Variants in EYS observed in about 807,000 individuals in gnomAD.
The protein encoded by EYS is EGF-like photoreceptor maintenance factor.
Under a neutral mutation model 282.1 loss-of-function variants are expected in EYS, and 250 were observed. The observed-to-expected ratio is 0.89, with a 90% CI of 0.80 to 0.98. The LOEUF (loss-of-function observed/expected upper bound fraction) is 0.98, where lower values mean the gene tolerates loss of function less well. Ranked by LOEUF, EYS falls within the 50% of genes least tolerant of loss-of-function variation. EYS has a pLI of 0.00. For missense variants in EYS, 4,016 were observed against 3,709.0 expected (o/e 1.08, Z -2.15); for synonymous variants, 1,355 against 1,282.9 (o/e 1.06, Z -1.20).
chr6:64,799,925 G>C (rs1454364306), intron 22 of EYS, among the ~76,000 whole-genome samples: 1 of 151,696 alleles, frequency 6.6e-6, no homozygotes, highest in Non-Finnish European at 1.5e-5. Flanking sequence ...GTCTTTCTTT[G>C]TCTCTCTATA....
Position 64,766,645 on chromosome 6 carries a change from AAAAAATATATATATATATAT to A in EYS, c.3443+46713_3443+46732del, listed in dbSNP as rs1309681747. Among the ~76,000 whole-genome samples, 32 of 37,090 alleles carry A rather than the reference AAAAAATATATATATATATAT, an allele frequency of 8.6e-4. 2 individuals are homozygous for A. Among genetic ancestry groups the A allele is most frequent in the African/African-American group, 3.2e-3 (32 of 10,138 alleles). 24.3% of individuals were successfully genotyped at this position (37,090 alleles called of 152,430 possible). A position where few individuals can be genotyped will look rare whatever the true frequency, so the allele number is the denominator to read the frequency against. ...AAACTCCGTCTCAAAAAAAAAAAAAAAAAAATATATATATATATATATATATATATATATATATAAAATCT... is the reference window on the plus strand; with the variant it reads ...AAACTCCGTCTCAAAAAAAAAAAAAAATATATATATATATATATAAAATCT... On this transcript the variant is annotated intron_variant, in intron 22 of 42. Coordinates refer to ENST00000503581, the MANE Select transcript of EYS (RefSeq NM_001142800.2).
At chr6:65,395,261 C>A (rs1278411312) in intron 7 of EYS, among the ~76,000 whole-genome samples, 1 of 152,128 alleles carries the variant, frequency 6.6e-6, no homozygotes, top group African/African-American at 2.4e-5. Context: ...TGGGGTTTCT[C>A]CATGTTGGTC....
chr6:64,223,367 T>C (rs1766160090), intron 31 of EYS, among the ~76,000 whole-genome samples: 2 of 152,092 alleles, frequency 1.3e-5, no homozygotes, highest in African/African-American at 4.8e-5. Flanking sequence ...TAAGTTTCTA[T>C]ACCTAGAGTA....
At chr6:64,235,736 T>C (rs1427403968) in intron 30 of EYS, among the ~76,000 whole-genome samples, 2 of 152,164 alleles carry the variant, frequency 1.3e-5, no homozygotes, top group Non-Finnish European at 2.9e-5. Flanking sequence ...TTTCTCCATA[T>C]CCTCTCCAGC....
At chr6:65,662,098 G>T (rs947820372) in intron 1 of EYS, among the ~76,000 whole-genome samples, 1 of 151,810 alleles carries the variant, frequency 6.6e-6, no homozygotes, top group Non-Finnish European at 1.5e-5. Flanking sequence ...CTTCCTTTAA[G>T]TAAAGGTTAA....
intron 22 of EYS, among the ~76,000 whole-genome samples, chr6:64,629,028 T>C (rs1767697324): frequency 6.6e-6 from 1 of 152,188 alleles, no homozygotes; most frequent in African/African-American, 2.4e-5. Flanking sequence ...ATCTAATGTC[T>C]TTTGTTTCTG....
intron 12 of EYS, among the ~76,000 whole-genome samples, chr6:65,266,967 CAT>C (rs1470581245): frequency 4.4e-5 from 6 of 136,780 alleles, no homozygotes; most frequent in African/African-American, 1.8e-4. Context: ...CACACACACA[CAT>C]ACCTTGACAT....
chr6:65,239,972 A>AT (rs5876954), intron 12 of EYS, among the ~76,000 whole-genome samples: 3,815 of 144,140 alleles, frequency 0.026, 131 homozygotes, highest in African/African-American at 0.07. Flanking sequence ...ATATATTTTG[A>AT]TTTTTTTTTT....
At chr6:64,674,478 T>C (rs1769581365) in intron 22 of EYS, among the ~76,000 whole-genome samples, 1 of 152,052 alleles carries the variant, frequency 6.6e-6, no homozygotes, top group South Asian at 2.1e-4. Context: ...GTCTTCTATA[T>C]TCAGCTGGCA....
chr6:64,204,253 T>C (rs1765554964), intron 31 of EYS, among the ~76,000 whole-genome samples: 2 of 152,168 alleles, frequency 1.3e-5, no homozygotes, highest in South Asian at 4.1e-4. Context: ...TCTTCAAATA[T>C]CTGATTTTAT....
At chr6:65,439,562 C>T (rs1355629079) in intron 5 of EYS, among the ~76,000 whole-genome samples, 1 of 152,058 alleles carries the variant, frequency 6.6e-6, no homozygotes, top group Non-Finnish European at 1.5e-5. Flanking sequence ...AGAGGTCCTC[C>T]ACATCCCTTG....
chr6:64,157,235 A>G (rs917603832), intron 31 of EYS, among the ~76,000 whole-genome samples: 1 of 152,060 alleles, frequency 6.6e-6, no homozygotes, highest in Non-Finnish European at 1.5e-5. Flanking sequence ...ATCATTTCTT[A>G]TGGCTGCATA....
chr6:65,280,282 G>A (rs371044819), intron 12 of EYS, among the ~76,000 whole-genome samples: 27 of 151,974 alleles, frequency 1.8e-4, no homozygotes, highest in African/African-American at 5.3e-4. Context: ...TGCCATCGAC[G>A]CCACCTCCAG....
intron 33 of EYS, among the ~76,000 whole-genome samples, chr6:64,018,306 A>T (rs1354995779): frequency 6.6e-6 from 1 of 152,204 alleles, no homozygotes; most frequent in Non-Finnish European, 1.5e-5. Flanking sequence ...TAAACCTCAG[A>T]TTGGATTCAT....
chr6:63,869,299 T>G (rs1274550575), intron 35 of EYS, among the ~76,000 whole-genome samples: 1 of 152,150 alleles, frequency 6.6e-6, no homozygotes. Context: ...AATTTAATCT[T>G]GTAGGCATTT....
At chr6:63,841,347 A>G (rs892772844) in intron 36 of EYS, among the ~76,000 whole-genome samples, 6 of 152,166 alleles carry the variant, frequency 3.9e-5, no homozygotes, top group Non-Finnish European at 1.5e-5. Flanking sequence ...AAAAGTTAAA[A>G]CCACAGGTTT....
chr6:65,529,073 C>T (rs1048527474), intron 2 of EYS, among the ~76,000 whole-genome samples: 7 of 151,928 alleles, frequency 4.6e-5, no homozygotes, highest in East Asian at 1.9e-4. Context: ...CAAAATTAAC[C>T]GCCATCTTGA....
intron 12 of EYS, among the ~76,000 whole-genome samples, chr6:65,250,185 G>A (rs1395502058): frequency 1.3e-5 from 2 of 151,954 alleles, no homozygotes; most frequent in African/African-American, 4.8e-5. Flanking sequence ...AGTTGCTTTC[G>A]GTTAAGAGCA....
intron 32 of EYS, among the ~76,000 whole-genome samples, chr6:64,078,913 G>T (rs932772476): frequency 2.6e-5 from 4 of 152,056 alleles, no homozygotes; most frequent in African/African-American, 9.7e-5. Flanking sequence ...ATGGACATGA[G>T]CCAGGAGCGT....
Sources: allele counts gnomAD v4.1 joint callset (sites outside exome capture counted in the v4.1 genomes callset), GRCh38; gene constraint gnomAD v4.1.1; transcripts MANE v1.5; gene names NCBI Gene and HGNC (gene_info 2026-07-23, HGNC 2026-07-21).